Variants in DMXL1 observed in about 807,000 individuals in gnomAD.
DMXL1 encodes the protein dmX-like protein 1.
DMXL1 carries 99 observed loss-of-function variants against 319.2 expected under a neutral mutation model. That is an observed-to-expected ratio of 0.31 (90% CI 0.26 to 0.37). The LOEUF (loss-of-function observed/expected upper bound fraction) is 0.37, where lower values mean the gene tolerates loss of function less well. DMXL1 is among the 10% of genes least tolerant of loss of function. The pLI is 1.00. For synonymous variants in DMXL1, 1,385 were observed against 1,235.2 expected (o/e 1.12, Z -2.54); for missense variants, 3,745 against 3,595.6 (o/e 1.04, Z -1.06).
In DMXL1 at chr5:119,144,522, T is replaced by A. The variant is rs1355139499; in HGVS notation, c.2467-14T>A. 6.4e-7 allele frequency: 1 copy of A among 1,561,470 alleles called. No individual in the cohort carries two copies. The highest frequency in any genetic ancestry group is 8.7e-7 in the Non-Finnish European group (1 of 1,148,064). On this transcript the variant is annotated splice_polypyrimidine_tract_variant and intron_variant, in intron 14 of 43. Transcript: ENST00000539542. ...CACATAGGTCAACTTACGTTGATAT[T>A]TATTTATATTCAGCATGGCAGAAAA...
At chr5:119,223,939 T>G (rs1178949353) in intron 37 of DMXL1, among the ~76,000 whole-genome samples, 1 of 152,138 alleles carries the variant, frequency 6.6e-6, no homozygotes, top group Non-Finnish European at 1.5e-5. Flanking sequence ...ATCCTTTCAT[T>G]TTATCAAATG....
At chr5:119,162,735 C>A (rs1017818868) in intron 19 of DMXL1, among the ~76,000 whole-genome samples, 1 of 152,154 alleles carries the variant, frequency 6.6e-6, no homozygotes, top group African/African-American at 2.4e-5. Flanking sequence ...ATGTCTAAAT[C>A]AGATTCTTTA....
chr5:119,187,952 A>G (rs990798806), intron 28 of DMXL1, among the ~76,000 whole-genome samples: 1 of 152,186 alleles, frequency 6.6e-6, no homozygotes, highest in Non-Finnish European at 1.5e-5. Flanking sequence ...CACCGCACCC[A>G]GCCAAAAAGT....
chr5:119,196,704 T>C (rs985637840), intron 31 of DMXL1, among the ~76,000 whole-genome samples: 24 of 152,116 alleles, frequency 1.6e-4, no homozygotes, highest in African/African-American at 5.8e-4. Flanking sequence ...CTTGAGACTC[T>C]ATTTATACTC....
rs753541395 is a variant in DMXL1 at position 119,148,971 on chromosome 5, A to C, written c.3144A>C (p.Glu1048Asp). The change falls in exon 18 of 44, where the codon GAA (glutamate) becomes GAC (aspartate). Residue 1048 changes from glutamate to aspartate, a missense_variant. Physicochemically the swap from Glu to Asp is conservative, Grantham distance 45. Transcript: ENST00000539542. ...TAACTGTACCTGGTAGGCCTGTAGA[A>C]GTTAGCTGTGCACATACAAATCGTT... ...SSITVPGRPVEVSCAHTNRLA... is the reference protein window; with the variant it reads ...SSITVPGRPVDVSCAHTNRLA... 1 of 1,613,958 alleles carries C rather than the reference A, an allele frequency of 6.2e-7. No homozygotes were observed. The highest frequency in any genetic ancestry group is 1.3e-5 in the African/African-American group (1 of 75,044).
At position 119,170,932 on chromosome 5, in the gene DMXL1, C is replaced by T; in HGVS notation, c.6141C>T (p.Gly2047=). The T allele has an allele frequency of 6.2e-7, 1 of 1,613,522 alleles. No homozygotes were observed. Among genetic ancestry groups the T allele is most frequent in the Non-Finnish European group, 8.5e-7 (1 of 1,179,868 alleles). Residue 2047 remains glycine, a synonymous_variant, in exon 24 of 44, where the codon GGC becomes GGT. Transcript: ENST00000539542. ...LTVELRTLST[G]YEIDGGKLRY... is the part of the protein sequence containing the mutation. ...TAGAACTTCGTACTTTATCTACTGG[C>T]TATGAAATAGATGGTGGAAAATTGC...
intron 9 of DMXL1, 39 bp downstream of exon 9, chr5:119,121,178 A>G (rs909578266): frequency 2.7e-6 from 4 of 1,504,630 alleles, no homozygotes; most frequent in Middle Eastern, 1.8e-4. Context: ...CTGAAATTGA[A>G]TAGATTGATT....
chr5:119,227,640 A>C (rs1785844516), intron 38 of DMXL1, among the ~76,000 whole-genome samples: 1 of 151,718 alleles, frequency 6.6e-6, no homozygotes, highest in Non-Finnish European at 1.5e-5. Flanking sequence ...AAGGTATCTT[A>C]TTTGCTCTGT....
At chr5:119,207,728 G>A (rs770026997) in intron 34 of DMXL1, among the ~76,000 whole-genome samples, 1 of 152,014 alleles carries the variant, frequency 6.6e-6, no homozygotes. Flanking sequence ...TGCCATGTTG[G>A]CCAGGCTGAT....
At chr5:119,135,764 C>A (rs1465497162) in intron 13 of DMXL1, among the ~76,000 whole-genome samples, 3 of 152,160 alleles carry the variant, frequency 2.0e-5, no homozygotes, top group South Asian at 2.1e-4. Context: ...TGCCTTCTGC[C>A]ATGATTGTAA....
intron 23 of DMXL1, among the ~76,000 whole-genome samples, chr5:119,168,122 A>G (rs1773808075): frequency 6.6e-6 from 1 of 152,238 alleles, no homozygotes. Flanking sequence ...GAATATAAAC[A>G]TTTTGAAGAA....
intron 13 of DMXL1, among the ~76,000 whole-genome samples, chr5:119,136,802 C>T (rs972979154): frequency 6.6e-6 from 1 of 152,266 alleles, no homozygotes; most frequent in Non-Finnish European, 1.5e-5. Context: ...GCAGCAACCA[C>T]CTAGATTTCA....
intron 1 of DMXL1, among the ~76,000 whole-genome samples, chr5:119,080,887 C>T (rs6889921): frequency 0.024 from 3,582 of 152,168 alleles, 118 homozygotes; most frequent in African/African-American, 0.081. Flanking sequence ...CAAGCCATTT[C>T]ACAAGCTCTT....
intron 41 of DMXL1, among the ~76,000 whole-genome samples, chr5:119,239,683 CA>C (rs1303854578): frequency 7.9e-5 from 12 of 152,114 alleles, no homozygotes; most frequent in African/African-American, 2.9e-4. Flanking sequence ...GGGTCGGGCA[CA>C]GTGGCTCATG....
chr5:119,233,733 T>C (rs1165143843), intron 39 of DMXL1, among the ~76,000 whole-genome samples: 2 of 152,158 alleles, frequency 1.3e-5, no homozygotes, highest in Non-Finnish European at 2.9e-5. Flanking sequence ...CTTTTTATTA[T>C]TAAATGCTCC....
chr5:119,073,342 G>A (rs564214782), intron 1 of DMXL1, among the ~76,000 whole-genome samples: 1 of 152,184 alleles, frequency 6.6e-6, no homozygotes, highest in Non-Finnish European at 1.5e-5. Flanking sequence ...GATTAGAGGC[G>A]TGAGCCACCA....
chr5:119,116,468 C>G (rs574974301), intron 7 of DMXL1, 132 bp downstream of exon 7: 86 of 958,236 alleles, frequency 9.0e-5, no homozygotes, highest in Admixed American at 1.3e-4. Context: ...AATATTAAAT[C>G]GTCTCTGGCC....
Position 119,148,722 on chromosome 5 carries a change from G to T in DMXL1, c.2912-17G>T. 6.3e-7 allele frequency: 1 copy of T among 1,588,278 alleles called. No individual in the cohort carries two copies. The highest frequency in any genetic ancestry group is 1.1e-5 in the South Asian group (1 of 87,008). ...AACCAAATTTGACATTTTGTTAACG[G>T]ATTATTTTTATTTTAGGACATCTGA... On this transcript the variant is annotated splice_polypyrimidine_tract_variant and intron_variant, in intron 17 of 43. Transcript: ENST00000539542.
chr5:119,187,912 T>C (rs1217725852), intron 28 of DMXL1, among the ~76,000 whole-genome samples: 1 of 152,216 alleles, frequency 6.6e-6, no homozygotes, highest in Admixed American at 6.5e-5. Context: ...CACCTCTGCC[T>C]CCCAAAGTGC....
Sources: gnomAD v4.1 joint callset for allele counts (sites outside exome capture counted in the v4.1 genomes callset) on GRCh38, gnomAD v4.1.1 for gene constraint, MANE v1.5 for transcripts, NCBI Gene and HGNC (gene_info 2026-07-23, HGNC 2026-07-21) for gene names.